Variants in PRKCA observed in about 807,000 individuals in gnomAD.
The protein encoded by PRKCA is protein kinase C alpha.
A neutral mutation model predicts 87.0 loss-of-function variants in PRKCA; 27 were observed. The observed-to-expected ratio is 0.31, with a 90% CI of 0.23 to 0.43. The LOEUF is 0.43. Ranked by LOEUF, PRKCA falls within the 20% of genes least tolerant of loss-of-function variation. The pLI is 1.00. For synonymous variants in PRKCA, 329 were observed against 311.1 expected (o/e 1.06, Z -0.61); for missense variants, 518 against 852.3 (o/e 0.61, Z 4.88).
At chr17:66,320,790 A>G (rs1905610661) in intron 2 of PRKCA, among the ~76,000 whole-genome samples, 1 of 152,302 alleles carries the variant, frequency 6.6e-6, no homozygotes, top group Non-Finnish European at 1.5e-5. Context: ...TTGCCTTTTT[A>G]TATATTACCT....
chr17:66,656,531 A>ATCT (rs60213525), intron 5 of PRKCA, among the ~76,000 whole-genome samples: 95,433 of 151,838 alleles, frequency 0.63, 30,084 homozygotes, highest in African/African-American at 0.7. Context: ...AAGGAACTTT[A>ATCT]TCTTCTGGAA....
intron 3 of PRKCA, among the ~76,000 whole-genome samples, chr17:66,497,539 A>G (rs1479000485): frequency 6.6e-6 from 1 of 152,066 alleles, no homozygotes; most frequent in African/African-American, 2.4e-5. Context: ...GGAAAATACC[A>G]ATGTCTAAAA....
intron 8 of PRKCA, among the ~76,000 whole-genome samples, chr17:66,721,621 A>G (rs1389790663): frequency 6.6e-6 from 1 of 152,116 alleles, no homozygotes; most frequent in Non-Finnish European, 1.5e-5. Flanking sequence ...ATAGACCATC[A>G]TGGCACTAGT....
intron 13 of PRKCA, among the ~76,000 whole-genome samples, chr17:66,766,265 C>T (rs906634848): frequency 6.6e-6 from 1 of 152,146 alleles, no homozygotes; most frequent in African/African-American, 2.4e-5. Context: ...AGCTGGGAGC[C>T]AACTTGTTGT....
chr17:66,324,208 A>G (rs973737788), intron 2 of PRKCA, among the ~76,000 whole-genome samples: 19 of 152,144 alleles, frequency 1.2e-4, no homozygotes, highest in African/African-American at 4.3e-4. Context: ...ATATGGAGAA[A>G]GAGTTTTCAT....
chr17:66,603,747 A>G lies in PRKCA; in HGVS notation c.289-37608A>G, dbSNP rs1323168996. Among the ~76,000 whole-genome samples the G allele has an allele frequency of 3.3e-5, 5 of 152,108 alleles. No homozygotes were observed. In the East Asian group the frequency reaches 7.7e-4, roughly 23 times the overall value. On this transcript the variant is annotated intron_variant, in intron 3 of 16. Coordinates refer to ENST00000413366, the MANE Select transcript of PRKCA (RefSeq NM_002737.3). ...CCTCCCTGAATGAAGCTCTGTACTCATGAAACACCAGCTCCTCATTTTCCC... is the reference window on the plus strand; with the variant it reads ...CCTCCCTGAATGAAGCTCTGTACTCGTGAAACACCAGCTCCTCATTTTCCC...
At chr17:66,370,096 C>T (rs535827815) in intron 2 of PRKCA, among the ~76,000 whole-genome samples, 3 of 152,140 alleles carry the variant, frequency 2.0e-5, no homozygotes, top group Non-Finnish European at 2.9e-5. Flanking sequence ...AACATGTGGT[C>T]GCCCTACTTG....
chr17:66,658,921 AG>A (rs1971811357), intron 5 of PRKCA, among the ~76,000 whole-genome samples: 1 of 152,236 alleles, frequency 6.6e-6, no homozygotes, highest in African/African-American at 2.4e-5. Flanking sequence ...AGCAAGACAC[AG>A]GAACACACTG....
intron 8 of PRKCA, among the ~76,000 whole-genome samples, chr17:66,699,625 T>C (rs2144086200): frequency 6.6e-6 from 1 of 152,390 alleles, no homozygotes; most frequent in South Asian, 2.1e-4. Context: ...TCTCGCTCTG[T>C]TGCCCAGGCT....
chr17:66,575,844 C>T (rs556797766), intron 3 of PRKCA, among the ~76,000 whole-genome samples: 6 of 151,618 alleles, frequency 4.0e-5, no homozygotes, highest in African/African-American at 1.5e-4. Flanking sequence ...GGACCGGGCA[C>T]GTGGCTCATG....
intron 5 of PRKCA, among the ~76,000 whole-genome samples, chr17:66,659,777 T>A (rs1467848999): frequency 6.6e-6 from 1 of 152,150 alleles, no homozygotes; most frequent in East Asian, 1.9e-4. Context: ...GTTATCACAC[T>A]GTGCTGGGGT....
chr17:66,302,800 C>G lies in PRKCA; in HGVS notation c.-52C>G. 7.4e-7 allele frequency: 1 copy of G among 1,359,348 alleles called. No individual in the cohort carries two copies. The highest frequency in any genetic ancestry group is 9.7e-7 in the Non-Finnish European group (1 of 1,026,862). 84.2% of individuals were successfully genotyped at this position (1,359,348 alleles called of 1,614,324 possible). On this transcript the variant is annotated 5_prime_UTR_variant, in exon 1 of 17. Transcript: ENST00000413366. Reference sequence around the variant, plus strand: ...TCCCCCGCCGCCCCCGCCCACCCGGCCCTCCGCGGCCGCAGCTCCCCGGCG... The same window carrying G: ...TCCCCCGCCGCCCCCGCCCACCCGGGCCTCCGCGGCCGCAGCTCCCCGGCG...
rs193192658 is a variant in PRKCA, at chr17:66,520,065, A to C, written c.288+23782A>C. 1.5e-3 allele frequency among the ~76,000 whole-genome samples: 232 copies of C among 151,816 alleles called. 1 individual carries two copies. Among genetic ancestry groups the C allele is most frequent in the Non-Finnish European group, 3.0e-3 (201 of 67,982 alleles). The stretch of plus-strand genomic sequence containing the variant: ...TTTGTTTGTTTGTCTGTTTTGGCTG[A>C]AATGCAGTGATCTGATCATAGCTCA... On this transcript the variant is annotated intron_variant, in intron 3 of 16. Transcript: ENST00000413366.
intron 2 of PRKCA, among the ~76,000 whole-genome samples, chr17:66,383,109 C>G (rs1232068568): frequency 7.9e-6 from 1 of 127,146 alleles, no homozygotes; most frequent in East Asian, 2.4e-4. Context: ...ACATTTCTCT[C>G]CTATACTACA....
rs1465652313 is a variant in PRKCA at position 66,496,336 on chromosome 17, A to C, written c.288+53A>C. On this transcript the variant is annotated intron_variant, in intron 3 of 16. Transcript: ENST00000413366. ...TGTCAATGTGGATTTCTGAGCTTTA[A>C]TTTTTTTAACGCCTGTGCAACTGTT... The C allele has an allele frequency of 7.9e-5, 118 of 1,487,864 alleles. 1 individual carries two copies. In the South Asian group the frequency reaches 1.4e-3, roughly 17 times the overall value. 92.2% of individuals were successfully genotyped at this position (1,487,864 alleles called of 1,614,324 possible).
intron 16 of PRKCA, among the ~76,000 whole-genome samples, chr17:66,802,545 G>C (rs1051099812): frequency 3.9e-5 from 6 of 152,080 alleles, no homozygotes; most frequent in African/African-American, 1.4e-4. Flanking sequence ...ACGAAAGTAG[G>C]TTCTCAAGCA....
chr17:66,389,495 C>T (rs1236862968), intron 2 of PRKCA, among the ~76,000 whole-genome samples: 1 of 152,226 alleles, frequency 6.6e-6, no homozygotes, highest in East Asian at 1.9e-4. Flanking sequence ...AATGGAGAGA[C>T]TGTATTGAAA....
chr17:66,770,815 A>G (rs948827921), intron 13 of PRKCA, among the ~76,000 whole-genome samples: 2 of 152,120 alleles, frequency 1.3e-5, no homozygotes, highest in African/African-American at 4.8e-5. Context: ...CAGTAGACCT[A>G]GGTCTCTTGG....
At chr17:66,361,026 A>G (rs982880397) in intron 2 of PRKCA, among the ~76,000 whole-genome samples, 1 of 151,384 alleles carries the variant, frequency 6.6e-6, no homozygotes, top group African/African-American at 2.4e-5. Context: ...TTAGCCTTCA[A>G]CAAGCTCTCG....
Sources: gnomAD v4.1 joint callset for allele counts (sites outside exome capture counted in the v4.1 genomes callset) on GRCh38, gnomAD v4.1.1 for gene constraint, MANE v1.5 for transcripts, NCBI Gene and HGNC (gene_info 2026-07-23, HGNC 2026-07-21) for gene names.